The following PDE4B variants were observed in gnomAD, a reference collection of about 807,000 sequenced individuals.
PDE4B encodes phosphodiesterase 4B.
A neutral mutation model predicts 82.2 loss-of-function variants in PDE4B; 20 were observed. The observed-to-expected ratio is 0.24, with a 90% CI of 0.17 to 0.35. The LOEUF (loss-of-function observed/expected upper bound fraction) is 0.35, where lower values mean the gene tolerates loss of function less well. Ranked by LOEUF, PDE4B falls within the 10% of genes least tolerant of loss-of-function variation. The pLI is 1.00. For synonymous variants in PDE4B, 320 were observed against 318.9 expected (o/e 1.00, Z -0.04); for missense variants, 655 against 907.2 (o/e 0.72, Z 3.57).
At chr1:66,102,167 C>T (rs1008773107) in intron 3 of PDE4B, among the ~76,000 whole-genome samples, 10 of 151,936 alleles carry the variant, frequency 6.6e-5, no homozygotes, top group Admixed American at 2.6e-4. Context: ...ATTTCTGAGG[C>T]CTCTATTCCG....
chr1:65,828,370 C>T (rs981077391), intron 1 of PDE4B, among the ~76,000 whole-genome samples: 2 of 151,988 alleles, frequency 1.3e-5, no homozygotes, highest in East Asian at 1.9e-4. Flanking sequence ...CTCAGTCTCT[C>T]GAGTAGCTGG....
At chr1:65,930,480 T>A (rs142849104) in intron 3 of PDE4B, among the ~76,000 whole-genome samples, 6 of 152,190 alleles carry the variant, frequency 3.9e-5, no homozygotes, top group African/African-American at 1.2e-4. Flanking sequence ...GAGAGCAGCA[T>A]TGGGGGGTCG....
chr1:65,987,218 C>G (rs560975900), intron 3 of PDE4B, among the ~76,000 whole-genome samples: 116 of 152,254 alleles, frequency 7.6e-4, no homozygotes, highest in African/African-American at 2.4e-3. Context: ...GCTCAAGCAT[C>G]TAGGATACAA....
chr1:66,195,703 T>C (rs1447277343), intron 3 of PDE4B, among the ~76,000 whole-genome samples: 1 of 152,166 alleles, frequency 6.6e-6, no homozygotes, highest in Non-Finnish European at 1.5e-5. Context: ...CCTGGCACTG[T>C]TGGGTTCTTG....
chr1:65,856,360 G>A (rs1167997714), intron 1 of PDE4B, among the ~76,000 whole-genome samples: 2 of 152,142 alleles, frequency 1.3e-5, no homozygotes, highest in Non-Finnish European at 1.5e-5. Context: ...AGGCCCTGGT[G>A]TGTCATGTTC....
intron 3 of PDE4B, among the ~76,000 whole-genome samples, chr1:66,189,253 G>T (rs996901748): frequency 5.9e-5 from 9 of 151,970 alleles, no homozygotes; most frequent in African/African-American, 1.7e-4. Context: ...TTTCTCTCTG[G>T]CTGCCCTTAA....
At position 65,835,472 on chromosome 1, in the gene PDE4B, G is replaced by A. The variant is rs540974066; in HGVS notation, c.-71+42224G>A. On this transcript the variant is annotated intron_variant, in intron 1 of 16. Coordinates refer to ENST00000341517, the MANE Select transcript of PDE4B (RefSeq NM_002600.4). ...GTGTTAATTTTCAAAATACGATATC[G>A]GCAAACCTAAAGGAGAAGCCAAGAC... 1.1e-4 allele frequency among the ~76,000 whole-genome samples: 16 copies of A among 152,108 alleles called. No homozygotes were observed. The South Asian group carries it at 2.3e-3, about 22-fold the overall frequency.
chr1:66,238,652 G>A (rs1652650049), intron 3 of PDE4B, among the ~76,000 whole-genome samples: 1 of 151,870 alleles, frequency 6.6e-6, no homozygotes, highest in Non-Finnish European at 1.5e-5. Context: ...GTTGGGAAGG[G>A]AAGTAAAATC....
Position 66,332,633 on chromosome 1 carries a change from C to T in PDE4B, c.747+13C>T. Reference sequence around the variant, plus strand: ...GGCTTCTAACAAGGTAAGAGATGATCTTTTTATTCATTAAAGTGTGATCAT... The same window carrying T: ...GGCTTCTAACAAGGTAAGAGATGATTTTTTTATTCATTAAAGTGTGATCAT... On this transcript the variant is annotated intron_variant, in intron 8 of 16. Coordinates refer to ENST00000341517, the MANE Select transcript of PDE4B (RefSeq NM_002600.4). 6.2e-7 allele frequency: 1 copy of T among 1,611,374 alleles called. No homozygotes were observed. The highest frequency in any genetic ancestry group is 8.5e-7 in the Non-Finnish European group (1 of 1,178,178).
At chr1:65,892,057 T>G (rs1159982533) in intron 1 of PDE4B, among the ~76,000 whole-genome samples, 1 of 152,076 alleles carries the variant, frequency 6.6e-6, no homozygotes, top group Non-Finnish European at 1.5e-5. Flanking sequence ...AGAGAAAATC[T>G]TATAATAGGA....
At chr1:66,054,471 A>G (rs189710032) in intron 3 of PDE4B, among the ~76,000 whole-genome samples, 1 of 152,314 alleles carries the variant, frequency 6.6e-6, no homozygotes, top group East Asian at 1.9e-4. Context: ...TAAGTTCTAG[A>G]TATCTGTTCA....
intron 7 of PDE4B, among the ~76,000 whole-genome samples, chr1:66,306,175 A>G (rs1376628257): frequency 4.6e-5 from 7 of 152,182 alleles, no homozygotes; most frequent in Non-Finnish European, 1.0e-4. Context: ...GCTAAATGAT[A>G]AGAGCATGAG....
At chr1:66,248,110 C>T (rs1013956926) in intron 4 of PDE4B, among the ~76,000 whole-genome samples, 5 of 152,310 alleles carry the variant, frequency 3.3e-5, no homozygotes, top group Non-Finnish European at 5.9e-5. Context: ...GTCATTCAGA[C>T]ACATGCCTGT....
At chr1:66,354,194 A>T (rs1293232497) in intron 8 of PDE4B, among the ~76,000 whole-genome samples, 1 of 152,196 alleles carries the variant, frequency 6.6e-6, no homozygotes, top group Non-Finnish European at 1.5e-5. Context: ...ATGTTTGCTT[A>T]AATGTTCAGA....
chr1:66,307,427 G>A (rs1658358797), intron 7 of PDE4B, among the ~76,000 whole-genome samples: 2 of 152,260 alleles, frequency 1.3e-5, no homozygotes, highest in Admixed American at 6.5e-5. Context: ...CACTGAAGCA[G>A]ATGGTTAAAA....
At chr1:66,051,774 A>G (rs1337887170) in intron 3 of PDE4B, among the ~76,000 whole-genome samples, 2 of 152,164 alleles carry the variant, frequency 1.3e-5, no homozygotes, top group African/African-American at 2.4e-5. Context: ...ACGTTTTTCT[A>G]TAACATTTGA....
At chr1:66,007,485 A>G (rs1453793808) in intron 3 of PDE4B, among the ~76,000 whole-genome samples, 1 of 152,140 alleles carries the variant, frequency 6.6e-6, no homozygotes, top group Non-Finnish European at 1.5e-5. Flanking sequence ...ATGAAAAACA[A>G]GTATAAAATA....
At chr1:66,078,636 C>T (rs1656556004) in intron 3 of PDE4B, among the ~76,000 whole-genome samples, 1 of 152,144 alleles carries the variant, frequency 6.6e-6, no homozygotes, top group Admixed American at 6.6e-5. Flanking sequence ...TTTCTCCCTT[C>T]TCCAACCCAT....
chr1:66,051,216 A>G (rs748022124), intron 3 of PDE4B, among the ~76,000 whole-genome samples: 6 of 152,004 alleles, frequency 3.9e-5, no homozygotes, highest in African/African-American at 9.7e-5. Context: ...ATAATAATAA[A>G]ATTAAAAAAA....
Sources: allele counts gnomAD v4.1 joint callset (sites outside exome capture counted in the v4.1 genomes callset), GRCh38; gene constraint gnomAD v4.1.1; transcripts MANE v1.5; gene names NCBI Gene and HGNC (gene_info 2026-07-23, HGNC 2026-07-21).